ZNF268: variants seen among roughly 807,000 people sequenced by gnomAD.
The protein encoded by ZNF268 is zinc finger protein 3.
A neutral mutation model predicts 29.3 loss-of-function variants in ZNF268; 20 were observed. That is an observed-to-expected ratio of 0.68 (90% CI 0.48 to 0.99). ZNF268 has a LOEUF of 0.99. Among genes scored for constraint, ZNF268 ranks in the 50% least tolerant of loss-of-function variants. The pLI is 0.00. For missense variants in ZNF268, 1,240 were observed against 1,121.6 expected (o/e 1.11, Z -1.51); for synonymous variants, 429 against 376.9 (o/e 1.14, Z -1.60).
rs148294015 is a variant in ZNF268 at position 133,202,939 on chromosome 12, G to A, written c.1253G>A (p.Cys418Tyr). The change falls in exon 6 of 6, where the codon TGC (cysteine) becomes TAC (tyrosine). Residue 418 changes from cysteine to tyrosine, a missense_variant. Transcript: ENST00000536435. The part of the protein sequence containing the change: ...RIHTGEKPYE[C>Y]NECQKAFNTK... ...CATACAGGAGAGAAACCATATGAAT[G>A]CAATGAATGTCAGAAAGCCTTTAAT... 5 of 1,545,068 alleles carry A rather than the reference G, an allele frequency of 3.2e-6. No homozygotes were observed. In the African/African-American group the frequency reaches 4.1e-5, roughly 13 times the overall value.
rs142857840 is a variant in ZNF268 at position 133,210,090 on chromosome 12, G to A, written c.*5560G>A. 0.78 allele frequency: 118,087 copies of A among 152,214 alleles called. 46,604 individuals carry two copies. The highest frequency in any genetic ancestry group is 0.92 in the African/African-American group (38,028 of 41,558). 9.4% of individuals were successfully genotyped at this position (152,214 alleles called of 1,614,324 possible). The stretch of plus-strand genomic sequence containing the variant: ...TTGTTCAGATATTACAGGGCAAAGT[G>A]AAACAGCAAAGCTCCCTCCTCAGCA... On this transcript the variant is annotated 3_prime_UTR_variant, in exon 6 of 6. Transcript: ENST00000536435.
At position 133,204,595 on chromosome 12, in the gene ZNF268, C is replaced by T; in HGVS notation, c.*65C>T. On this transcript the variant is annotated 3_prime_UTR_variant, in exon 6 of 6. Transcript: ENST00000536435. ...AGAAACAATCATATATAAAGAGAAA[C>T]TCTGTAAGTGGAATCATCTTGTCAT... 1 of 1,215,844 alleles carries T rather than the reference C, an allele frequency of 8.2e-7. No individual in the cohort carries two copies. The allele number at this position is 1,215,844 out of a possible 1,614,324, so 75.3% of individuals were successfully genotyped here. A position where few individuals can be genotyped will look rare whatever the true frequency, so the allele number is the denominator to read the frequency against.
rs993091746 is a variant in ZNF268, at chr12:133,181,889, C to T, written c.-52-57C>T. ...CAGCCCTGGTGCCTCGGACCCTCCCCCTCTGGGTTTGGGGACTGCTGGGTG... is the reference window on the plus strand; with the variant it reads ...CAGCCCTGGTGCCTCGGACCCTCCCTCTCTGGGTTTGGGGACTGCTGGGTG... On this transcript the variant is annotated intron_variant, in intron 1 of 5. Coordinates refer to ENST00000536435, the MANE Select transcript of ZNF268 (RefSeq NM_003415.3). 16 of 1,240,894 alleles carry T rather than the reference C, an allele frequency of 1.3e-5. No individual in the cohort carries two copies. In the South Asian group the frequency reaches 1.7e-4, roughly 13 times the overall value. The allele number at this position is 1,240,894 out of a possible 1,614,324, so 76.9% of individuals were successfully genotyped here.
In ZNF268 at chr12:133,202,611, T is replaced by C. The variant is rs780069612; in HGVS notation, c.925T>C (p.Cys309Arg). 10 of 1,605,216 alleles carry C rather than the reference T, an allele frequency of 6.2e-6. No homozygotes were observed. The highest frequency in any genetic ancestry group is 7.7e-6 in the Non-Finnish European group (9 of 1,175,378). The change falls in exon 6 of 6, where the codon TGT becomes CGT. Residue 309 changes from cysteine to arginine, a missense_variant. By Grantham distance (180) the Cys-to-Arg change is radical. Around this residue, in one of 3 missense-constraint regions of ZNF268, gnomAD observed 1,177 missense variants for 1,039.6 expected, o/e 1.13. Transcript: ENST00000536435. Reference sequence around the variant, plus strand: ...AGAGAAACCCTATGGTTGTAATGAATGTGGGAAAGACTTCAGTAGTAAATC... The same window carrying C: ...AGAGAAACCCTATGGTTGTAATGAACGTGGGAAAGACTTCAGTAGTAAATC... ...AEEKPYGCNE[C>R]GKDFSSKSYL...
At position 133,208,278 on chromosome 12, in the gene ZNF268, T is replaced by G. The variant is rs1956935191; in HGVS notation, c.*3748T>G. 6.6e-6 allele frequency: 1 copy of G among 152,194 alleles called. No homozygotes were observed. Among genetic ancestry groups the G allele is most frequent in the Non-Finnish European group, 1.5e-5 (1 of 68,098 alleles). 9.4% of individuals were successfully genotyped at this position (152,194 alleles called of 1,614,324 possible). On this transcript the variant is annotated 3_prime_UTR_variant, in exon 6 of 6. Coordinates refer to ENST00000536435, the MANE Select transcript of ZNF268 (RefSeq NM_003415.3). The stretch of plus-strand genomic sequence containing the variant: ...TGGGAGGCCGAGGTGGGCAGATCAC[T>G]TGAGGTCAGGATTTCAAGACCAGTG...
intron 5 of ZNF268, among the ~76,000 whole-genome samples, chr12:133,194,614 T>G (rs1042703145): frequency 5.9e-5 from 9 of 152,172 alleles, no homozygotes; most frequent in African/African-American, 2.2e-4. Context: ...CACATGCCCC[T>G]GTCTGAGGGA....
Position 133,203,767 on chromosome 12 carries a change from A to G in ZNF268, c.2081A>G (p.Lys694Arg). ...IVHQRSHTGV[K>R]PYGCSECGKA... ...CATCAGAGAAGTCACACAGGAGTAA[A>G]ACCATATGGATGCAGTGAGTGTGGG... Residue 694 changes from lysine (K) to arginine (R), a missense_variant, in exon 6 of 6, where the codon AAA becomes AGA. Lys to Arg is a conservative substitution (Grantham distance 26, BLOSUM62 2). Transcript: ENST00000536435. 6.4e-7 allele frequency: 1 copy of G among 1,563,382 alleles called. No individual in the cohort carries two copies. Among genetic ancestry groups the G allele is most frequent in the Non-Finnish European group, 8.6e-7 (1 of 1,160,946 alleles).
chr12:133,187,232 T>A (rs1956346037), intron 2 of ZNF268, among the ~76,000 whole-genome samples: 1 of 148,688 alleles, frequency 6.7e-6, no homozygotes, highest in Admixed American at 6.7e-5. Context: ...TCGTTGGCGC[T>A]TTTTTATGTT....
At chr12:133,201,944 A>G (rs868264075) in intron 5 of ZNF268, among the ~76,000 whole-genome samples, 200 bp from the exon 6 acceptor site, 7 of 151,928 alleles carry the variant, frequency 4.6e-5, no homozygotes, top group Admixed American at 1.3e-4. Flanking sequence ...GAGTGTTTTT[A>G]TACCTGAGAA....
intron 5 of ZNF268, among the ~76,000 whole-genome samples, chr12:133,199,690 A>G (rs1312887291): frequency 2.6e-5 from 4 of 152,046 alleles, no homozygotes; most frequent in Non-Finnish European, 5.9e-5. Flanking sequence ...TTGGTAAGCT[A>G]TTGATTATTG....
At chr12:133,200,629 G>C (rs1173776151) in intron 5 of ZNF268, among the ~76,000 whole-genome samples, 1 of 152,000 alleles carries the variant, frequency 6.6e-6, no homozygotes, top group Non-Finnish European at 1.5e-5. Context: ...TCAACCTCCA[G>C]ATATTTCCTG....
chr12:133,202,829 TCATTC>T lies in ZNF268; in HGVS notation c.1144_1148del (p.His382ArgfsTer8). ...ACCAGCTTGTTTCACACCAGAAAAC[TCATTC>T]AGGACAGAAACCATATGTGTGTAAT... On this transcript the variant is annotated frameshift_variant, in exon 6 of 6. Transcript: ENST00000536435. LOFTEE classifies it low-confidence loss of function (END_TRUNC). 6.3e-7 allele frequency: 1 copy of T among 1,598,380 alleles called. No individual in the cohort carries two copies. The highest frequency in any genetic ancestry group is 8.5e-7 in the Non-Finnish European group (1 of 1,174,866).
Position 133,181,584 on chromosome 12 carries a change from C to G in ZNF268, c.-155C>G. ...CGCCCGTCGTGGTCAACGGGCCAGC[C>G]GAGTCTGGAGTGGTTGCGAACCCTT... On this transcript the variant is annotated 5_prime_UTR_variant, in exon 1 of 6. Transcript: ENST00000536435. 1 of 172,002 alleles carries G rather than the reference C, an allele frequency of 5.8e-6. No individual in the cohort carries two copies. The highest frequency in any genetic ancestry group is 1.2e-5 in the Non-Finnish European group (1 of 81,366). The allele number at this position is 172,002 out of a possible 1,614,324, so 10.7% of individuals were successfully genotyped here.
At position 133,204,501 on chromosome 12, in the gene ZNF268, C is replaced by T; in HGVS notation, c.2815C>T (p.Gln939Ter). The part of the protein sequence containing the change: ...FCWKSQLIMH[Q>*]RTHVDDKH The stretch of plus-strand genomic sequence containing the variant: ...TTGGAAGTCACAGCTCATTATGCAT[C>T]AGAGAACTCATGTAGATGACAAACA... Residue 939 changes from glutamine to a stop codon, truncating the protein, a stop_gained, in exon 6 of 6, where the codon CAG becomes TAG. Coordinates refer to ENST00000536435, the MANE Select transcript of ZNF268 (RefSeq NM_003415.3). LOFTEE classifies it high-confidence loss of function. 1 of 1,527,118 alleles carries T rather than the reference C, an allele frequency of 6.5e-7. No individual in the cohort carries two copies. Among genetic ancestry groups the T allele is most frequent in the Non-Finnish European group, 8.7e-7 (1 of 1,143,154 alleles). The allele number at this position is 1,527,118 out of a possible 1,614,324, so 94.6% of individuals were successfully genotyped here. A position where few individuals can be genotyped will look rare whatever the true frequency, so the allele number is the denominator to read the frequency against.
chr12:133,203,003 A>G lies in ZNF268; in HGVS notation c.1317A>G (p.Thr439=), dbSNP rs768456954. The G allele has an allele frequency of 6.5e-7, 1 of 1,548,448 alleles. No homozygotes were observed. The highest frequency in any genetic ancestry group is 1.9e-5 in the Admixed American group (1 of 51,682). The part of the protein sequence containing the change: ...SNLMVHQRTH[T]GEKPYVCSDC... ...TTATGGTACATCAGAGAACCCATACAGGGGAGAAACCTTATGTTTGTAGTG... is the reference window on the plus strand; with the variant it reads ...TTATGGTACATCAGAGAACCCATACGGGGGAGAAACCTTATGTTTGTAGTG... The change falls in exon 6 of 6, where the codon ACA becomes ACG. Residue 439 remains threonine, a synonymous_variant. Coordinates refer to ENST00000536435, the MANE Select transcript of ZNF268 (RefSeq NM_003415.3).
intron 5 of ZNF268, among the ~76,000 whole-genome samples, chr12:133,196,914 G>T (rs1236999890): frequency 6.6e-6 from 1 of 151,720 alleles, no homozygotes; most frequent in Non-Finnish European, 1.5e-5. Flanking sequence ...GTTTTTCACA[G>T]TAAACTTGGA....
chr12:133,182,900 G>T (rs1956213916), intron 2 of ZNF268, among the ~76,000 whole-genome samples: 3 of 152,166 alleles, frequency 2.0e-5, no homozygotes, highest in African/African-American at 7.2e-5. Context: ...ACATAGGGCA[G>T]GTGGTCCCCA....
Position 133,203,785 on chromosome 12 carries a change from A to C in ZNF268, c.2099A>C (p.Glu700Ala). The change falls in exon 6 of 6, where the codon GAG becomes GCG. Residue 700 changes from glutamate (E) to alanine (A), a missense_variant. Glu to Ala is a moderately radical substitution (Grantham distance 107). Transcript: ENST00000536435. ...GGAGTAAAACCATATGGATGCAGTG[A>C]GTGTGGGAAAGCCTTCAGGAGCAAG... ...HTGVKPYGCSECGKAFRSKSY... is the reference protein window; with the variant it reads ...HTGVKPYGCSACGKAFRSKSY... 6.4e-7 allele frequency: 1 copy of C among 1,564,594 alleles called. No homozygotes were observed. Among genetic ancestry groups the C allele is most frequent in the Non-Finnish European group, 8.6e-7 (1 of 1,161,550 alleles).
chr12:133,199,030 C>T (rs1593912960), intron 5 of ZNF268, among the ~76,000 whole-genome samples: 1 of 151,622 alleles, frequency 6.6e-6, no homozygotes, highest in Non-Finnish European at 1.5e-5. Context: ...CCTTTATTTC[C>T]TTCTCCTGCC....
Sources: gnomAD v4.1 joint callset for allele counts (sites outside exome capture counted in the v4.1 genomes callset) on GRCh38, gnomAD v4.1.1 for gene constraint, gnomAD v4.1.1 regional missense constraint, MANE v1.5 for transcripts, NCBI Gene and HGNC (gene_info 2026-07-23, HGNC 2026-07-21) for gene names.